Variants in RALGAPA2 observed in about 807,000 individuals in gnomAD.
RALGAPA2 encodes Ral GTPase activating protein catalytic subunit alpha 2.
A neutral mutation model predicts 230.4 loss-of-function variants in RALGAPA2; 139 were observed. That is an observed-to-expected ratio of 0.60 (90% CI 0.53 to 0.69). The LOEUF (loss-of-function observed/expected upper bound fraction) is 0.69, where lower values mean the gene tolerates loss of function less well. RALGAPA2 is among the 30% of genes least tolerant of loss of function. The pLI, the probability that RALGAPA2 is intolerant of heterozygous loss-of-function variation, is 0.00. For synonymous variants in RALGAPA2, 847 were observed against 837.8 expected, an observed-to-expected ratio of 1.01 and a Z score of -0.19; for missense variants, 2,163 against 2,276.0, an observed-to-expected ratio of 0.95 and a Z score of 1.01.
chr20:20,405,780 C>CCACTTTCACTTT (rs879660416), intron 38 of RALGAPA2, among the ~76,000 whole-genome samples: 8 of 152,278 alleles, frequency 5.3e-5, no homozygotes, highest in South Asian at 4.1e-4. Context: ...TGTCGGTGGC[C>CCACTTTCACTTT]CACTTTCACT....
chr20:20,559,140 A>G (rs1040917627), intron 23 of RALGAPA2, among the ~76,000 whole-genome samples: 1 of 152,150 alleles, frequency 6.6e-6, no homozygotes, highest in African/African-American at 2.4e-5. Flanking sequence ...CTCTTAGTTT[A>G]TTTTCTTACA....
chr20:20,612,171 C>T (rs2065995141), intron 13 of RALGAPA2, among the ~76,000 whole-genome samples: 1 of 152,210 alleles, frequency 6.6e-6, no homozygotes, highest in South Asian at 2.1e-4. Context: ...AGCCAAAAGA[C>T]ATTTTTCTTT....
chr20:20,409,761 T>C (rs1218244453), intron 38 of RALGAPA2, among the ~76,000 whole-genome samples: 2 of 152,232 alleles, frequency 1.3e-5, no homozygotes, highest in African/African-American at 4.8e-5. Flanking sequence ...GAAAACGTGC[T>C]TGTCTATGGT....
intron 3 of RALGAPA2, chr20:20,659,866 C>CTT: frequency 1.8e-6 from 1 of 554,184 alleles, no homozygotes; most frequent in Non-Finnish European, 3.4e-6. Context: ...ACCAGCAGAG[C>CTT]ATCCCCTACA....
At chr20:20,696,539 A>T (rs1462401396) in intron 1 of RALGAPA2, among the ~76,000 whole-genome samples, 1 of 152,076 alleles carries the variant, frequency 6.6e-6, no homozygotes, top group Non-Finnish European at 1.5e-5. Flanking sequence ...TTAGAGTAAC[A>T]TCCCAAGTCC....
chr20:20,634,649 G>A (rs2066795867), intron 9 of RALGAPA2, among the ~76,000 whole-genome samples: 1 of 152,102 alleles, frequency 6.6e-6, no homozygotes, highest in South Asian at 2.1e-4. Flanking sequence ...GACTTCTAGG[G>A]CATCGGCAAA....
At chr20:20,653,828 A>G (rs569250946) in intron 3 of RALGAPA2, among the ~76,000 whole-genome samples, 15 of 152,284 alleles carry the variant, frequency 9.9e-5, no homozygotes, top group African/African-American at 3.6e-4. Context: ...CCTCCAAAAG[A>G]AAACAAGAAA....
In RALGAPA2 at chr20:20,437,239, G is replaced by A. The variant is rs1293992024; in HGVS notation, c.5496-25091C>T. On this transcript the variant is annotated intron_variant, in intron 37 of 39. Transcript: ENST00000202677. The surrounding 1 kb of genome is among the most constrained non-coding windows in gnomAD (Gnocchi z 4.1). ...AACCACTCTGAACGTCCTGAAGACCGCCTGGTCACTGAGGCACACATGACT... is the reference window on the plus strand; with the variant it reads ...AACCACTCTGAACGTCCTGAAGACCACCTGGTCACTGAGGCACACATGACT... Among the ~76,000 whole-genome samples the A allele has an allele frequency of 6.6e-6, 1 of 152,170 alleles. No homozygotes were observed. The highest frequency in any genetic ancestry group is 1.5e-5 in the Non-Finnish European group (1 of 68,030).
rs1197421682 is a variant in RALGAPA2 at position 20,572,906 on chromosome 20, T to C, written c.2870A>G (p.Tyr957Cys). The part of the protein sequence containing the change: ...SPKIHARVFC[Y>C]LYELWYKLAK... Reference sequence around the variant, plus strand: ...TAGTTTGTACCAGAGTTCATAGAGATAGCAGAAAACTCTGGCATGGATCTT... The same window carrying C: ...TAGTTTGTACCAGAGTTCATAGAGACAGCAGAAAACTCTGGCATGGATCTT... The change falls in exon 21 of 40, where the codon TAT becomes TGT. Residue 957 changes from tyrosine (Y) to cysteine (C), a missense_variant. By Grantham distance (194) the Tyr-to-Cys change is radical (BLOSUM62 -2). Coordinates refer to ENST00000202677, the MANE Select transcript of RALGAPA2 (RefSeq NM_020343.4). 2 of 1,561,566 alleles carry C rather than the reference T, an allele frequency of 1.3e-6. No homozygotes were observed. The highest frequency in any genetic ancestry group is 8.7e-7 in the Non-Finnish European group (1 of 1,152,102).
intron 37 of RALGAPA2, among the ~76,000 whole-genome samples, chr20:20,415,610 T>C (rs1446063332): frequency 6.6e-6 from 1 of 152,164 alleles, no homozygotes; most frequent in African/African-American, 2.4e-5. Flanking sequence ...ATCAAGAATT[T>C]TGATTAAGAG....
At chr20:20,605,106 T>G (rs2065778955) in intron 15 of RALGAPA2, 69 bp downstream of exon 15, 1 of 1,349,568 alleles carries the variant, frequency 7.4e-7, no homozygotes, top group Non-Finnish European at 1.0e-6. Flanking sequence ...CATTAATTGC[T>G]TAGTCATACA....
intron 37 of RALGAPA2, among the ~76,000 whole-genome samples, chr20:20,431,662 T>C (rs147726185): frequency 1.2e-4 from 18 of 152,320 alleles, no homozygotes; most frequent in East Asian, 1.9e-4. Context: ...TAATGTATTA[T>C]AGATTTCAAA....
chr20:20,589,278 T>C lies in RALGAPA2; in HGVS notation c.2429A>G (p.Glu810Gly), dbSNP rs1341200191. 1 of 1,572,512 alleles carries C rather than the reference T, an allele frequency of 6.4e-7. No individual in the cohort carries two copies. The highest frequency in any genetic ancestry group is 8.6e-7 in the Non-Finnish European group (1 of 1,157,086). ...TTGAAAATATCTTACTGTTATTCCT[T>C]CATGTTCTCTCTTCACATGTCCTTT... ...ENKGHVKREH[E>G]GITILVRRSS... Residue 810 changes from glutamate to glycine, a missense_variant, in exon 18 of 40, where the codon GAA (glutamate) becomes GGA (glycine). By Grantham distance (98) the Glu-to-Gly change is moderately conservative. Transcript: ENST00000202677.
At chr20:20,520,164 A>G (rs1451422485) in intron 31 of RALGAPA2, among the ~76,000 whole-genome samples, 2 of 152,186 alleles carry the variant, frequency 1.3e-5, no homozygotes, top group Non-Finnish European at 2.9e-5. Context: ...CTATAGGACA[A>G]TATCACAGTC....
chr20:20,442,042 A>T (rs1460675775), intron 37 of RALGAPA2, among the ~76,000 whole-genome samples: 1 of 152,240 alleles, frequency 6.6e-6, no homozygotes, highest in Non-Finnish European at 1.5e-5. Context: ...GTCTGTGAAA[A>T]TATTTTTAGC....
intron 4 of RALGAPA2, 95 bp downstream of exon 4, chr20:20,653,435 T>C: frequency 1.3e-6 from 1 of 742,890 alleles, no homozygotes; most frequent in Non-Finnish European, 2.3e-6. Flanking sequence ...TATTCCTTTC[T>C]ATAAGCTATC....
intron 24 of RALGAPA2, among the ~76,000 whole-genome samples, chr20:20,540,247 A>G (rs2063607366): frequency 6.6e-6 from 1 of 152,186 alleles, no homozygotes. Flanking sequence ...CACGGGGATG[A>G]AGATGTGTAG....
intron 20 of RALGAPA2, among the ~76,000 whole-genome samples, chr20:20,575,058 A>G (rs993074471): frequency 1.1e-4 from 16 of 152,154 alleles, no homozygotes; most frequent in Non-Finnish European, 1.9e-4. Flanking sequence ...TTTGACCCCC[A>G]GGTATGACTC....
chr20:20,503,567 C>A, intron 34 of RALGAPA2, 61 bp from the exon 35 acceptor site: 1 of 1,293,128 alleles, frequency 7.7e-7, no homozygotes, highest in Non-Finnish European at 1.0e-6. Context: ...TTTCACTAAG[C>A]AGGACTGTGA....
Sources: allele counts gnomAD v4.1 joint callset (sites outside exome capture counted in the v4.1 genomes callset), GRCh38; gene constraint gnomAD v4.1.1; non-coding constraint Gnocchi (gnomAD v3.1); transcripts MANE v1.5; gene names NCBI Gene and HGNC (gene_info 2026-07-23, HGNC 2026-07-21).